The following KDM5A variants were observed in gnomAD, a reference collection of about 807,000 sequenced individuals.
KDM5A encodes the protein lysine demethylase 5A.
In KDM5A, 42 loss-of-function variants were observed where a neutral mutation model predicts 193.5. That is an observed-to-expected ratio of 0.22 (90% CI 0.17 to 0.28). The LOEUF (loss-of-function observed/expected upper bound fraction) is 0.28. KDM5A is among the 10% of genes least tolerant of loss of function. The pLI is 1.00. For synonymous variants in KDM5A, 796 were observed against 718.1 expected (o/e 1.11, Z -1.73); for missense variants, 1,692 against 2,055.1 (o/e 0.82, Z 3.42).
chr12:384,316 G>T (rs1305110988), intron 2 of KDM5A, among the ~76,000 whole-genome samples, 163 bp from the exon 3 acceptor site: 1 of 152,174 alleles, frequency 6.6e-6, no homozygotes, highest in South Asian at 2.1e-4. Context: ...GCAACCAACC[G>T]GGCAAGCATT....
intron 10 of KDM5A, among the ~76,000 whole-genome samples, chr12:340,433 C>T (rs540443798): frequency 3.3e-5 from 5 of 152,182 alleles, no homozygotes; most frequent in East Asian, 3.9e-4. Flanking sequence ...CAGTGGCTCA[C>T]GCCTGTAATC....
At position 297,352 on chromosome 12, in the gene KDM5A, T is replaced by C; in HGVS notation, c.4075-152A>G. 1.4e-5 allele frequency: 11 copies of C among 760,518 alleles called. No homozygotes were observed. In the South Asian group the frequency reaches 1.9e-4, roughly 13 times the overall value. 47.1% of individuals were successfully genotyped at this position (760,518 alleles called of 1,614,324 possible). A position where few individuals can be genotyped will look rare whatever the true frequency, so the allele number is the denominator to read the frequency against. ...ATCTGATGTTAAATAAGATAGAAAA[T>C]GTCCATTGGGGAGAAAAACTGTAAT... On this transcript the variant is annotated intron_variant, in intron 24 of 27. Transcript: ENST00000399788.
intron 19 of KDM5A, among the ~76,000 whole-genome samples, chr12:316,556 AG>A (rs1943652894): frequency 6.9e-6 from 1 of 144,894 alleles, no homozygotes; most frequent in African/African-American, 2.6e-5. Context: ...GGGAAAACAA[AG>A]TTTTTAACTA....
chr12:389,109 G>A lies in KDM5A; in HGVS notation c.-18C>T, dbSNP rs200173798. On this transcript the variant is annotated 5_prime_UTR_variant, in exon 1 of 28. Coordinates refer to ENST00000399788, the MANE Select transcript of KDM5A (RefSeq NM_001042603.3). The stretch of plus-strand genomic sequence containing the variant: ...CCCGCCATTGCAACGGCCGGGGGGG[G>A]GGGGGGGTCCCCGTGGGGAACCGGT... 8 of 1,602,034 alleles carry A rather than the reference G, an allele frequency of 5.0e-6. No individual in the cohort carries two copies. The highest frequency in any genetic ancestry group is 2.3e-5 in the East Asian group (1 of 44,312).
At chr12:362,546 T>C (rs1342961880) in intron 5 of KDM5A, among the ~76,000 whole-genome samples, 2 of 152,164 alleles carry the variant, frequency 1.3e-5, no homozygotes, top group Admixed American at 6.6e-5. Context: ...TGCACTAGAA[T>C]TCACCAGCAT....
intron 3 of KDM5A, among the ~76,000 whole-genome samples, chr12:380,029 G>T (rs1417507943): frequency 6.6e-6 from 1 of 152,080 alleles, no homozygotes; most frequent in Non-Finnish European, 1.5e-5. Flanking sequence ...ACCATTTTGG[G>T]AGGCCAAGAT....
intron 14 of KDM5A, among the ~76,000 whole-genome samples, chr12:326,522 T>C (rs1390318681): frequency 6.6e-6 from 1 of 151,970 alleles, no homozygotes; most frequent in Non-Finnish European, 1.5e-5. Context: ...AGCAGCAATA[T>C]ATAGTGCAAT....
At chr12:358,410 AC>A (rs1340724673) in intron 5 of KDM5A, among the ~76,000 whole-genome samples, 2 of 152,198 alleles carry the variant, frequency 1.3e-5, no homozygotes, top group African/African-American at 4.8e-5. Flanking sequence ...GGTTACACTA[AC>A]CAACTTCTAC....
At chr12:371,227 C>G (rs996911477) in intron 3 of KDM5A, among the ~76,000 whole-genome samples, 1 of 152,202 alleles carries the variant, frequency 6.6e-6, no homozygotes, top group Admixed American at 6.5e-5. Context: ...TTTATAGTCC[C>G]ACTAACAGTG....
At chr12:311,276 T>G (rs1943583297) in intron 20 of KDM5A, 1 of 574,470 alleles carries the variant, frequency 1.7e-6, no homozygotes, top group Non-Finnish European at 3.1e-6. Flanking sequence ...ATCAATGATT[T>G]TATTTATTAA....
At chr12:329,104 G>C in intron 13 of KDM5A, 75 bp from the exon 14 acceptor site, 1 of 1,215,460 alleles carries the variant, frequency 8.2e-7, no homozygotes, top group African/African-American at 1.5e-5. Flanking sequence ...TACCCTCCAG[G>C]TCCTCCCTTT....
At chr12:327,707 CA>C (rs910927314) in intron 14 of KDM5A, among the ~76,000 whole-genome samples, 6 of 151,046 alleles carry the variant, frequency 4.0e-5, no homozygotes, top group Admixed American at 1.3e-4. Context: ...GACTCTGTCT[CA>C]AAAACAACAA....
intron 18 of KDM5A, among the ~76,000 whole-genome samples, chr12:320,229 G>A (rs1347466407): frequency 6.6e-6 from 1 of 152,176 alleles, no homozygotes; most frequent in African/African-American, 2.4e-5. Flanking sequence ...GGGTGCGGTG[G>A]CTCATGCCTG....
chr12:298,082 C>A (rs1943396301), intron 24 of KDM5A, among the ~76,000 whole-genome samples: 1 of 152,212 alleles, frequency 6.6e-6, no homozygotes, highest in African/African-American at 2.4e-5. Context: ...CTCCCTGGGA[C>A]AGAGCACCTG....
At chr12:291,925 A>G (rs968396520) in intron 27 of KDM5A, among the ~76,000 whole-genome samples, 4 of 145,514 alleles carry the variant, frequency 2.7e-5, no homozygotes, top group Admixed American at 6.9e-5. Flanking sequence ...TTTTTGAGAC[A>G]GAGTTTTGCT....
At chr12:360,205 C>T (rs1339101228) in intron 5 of KDM5A, among the ~76,000 whole-genome samples, 1 of 151,856 alleles carries the variant, frequency 6.6e-6, no homozygotes, top group African/African-American at 2.4e-5. Context: ...ACCCGGGAGG[C>T]AGAGGTCACA....
intron 8 of KDM5A, among the ~76,000 whole-genome samples, chr12:353,151 C>A (rs145825922): frequency 1.6e-4 from 25 of 152,108 alleles, no homozygotes; most frequent in African/African-American, 6.0e-4. Context: ...TTAGACCAGC[C>A]TGGCCAACAT....
intron 10 of KDM5A, among the ~76,000 whole-genome samples, chr12:336,150 G>T (rs1206789835): frequency 6.6e-6 from 1 of 151,448 alleles, no homozygotes. Context: ...CTTCAGCCCA[G>T]GAATTTGAGA....
intron 3 of KDM5A, among the ~76,000 whole-genome samples, chr12:383,359 T>G (rs547850594): frequency 6.6e-6 from 1 of 152,014 alleles, no homozygotes; most frequent in Admixed American, 6.6e-5. Context: ...AGACTACAGG[T>G]GTGCACCACC....
Sources: gnomAD v4.1 joint callset for allele counts (sites outside exome capture counted in the v4.1 genomes callset) on GRCh38, gnomAD v4.1.1 for gene constraint, MANE v1.5 for transcripts, NCBI Gene and HGNC (gene_info 2026-07-23, HGNC 2026-07-21) for gene names.